The following NFIA variants were observed in gnomAD, a reference collection of about 807,000 sequenced individuals.
The protein encoded by NFIA is nuclear factor I A.
NFIA carries 8 observed loss-of-function variants against 62.8 expected under a neutral mutation model. The observed-to-expected ratio is 0.13, with a 90% CI of 0.07 to 0.23. NFIA has a LOEUF of 0.23. Among genes scored for constraint, NFIA ranks in the 10% least tolerant of loss-of-function variants. NFIA has a pLI of 1.00. For missense variants in NFIA, 410 were observed against 642.1 expected, an observed-to-expected ratio of 0.64 and a Z score of 3.91; for synonymous variants, 235 against 238.1, an observed-to-expected ratio of 0.99 and a Z score of 0.12.
intron 7 of NFIA, among the ~76,000 whole-genome samples, chr1:61,391,287 T>G (rs1432515312): frequency 1.3e-5 from 2 of 152,070 alleles, no homozygotes; most frequent in Non-Finnish European, 2.9e-5. Context: ...GGTCTCGAAC[T>G]CCTGGCTCAA....
intron 2 of NFIA, among the ~76,000 whole-genome samples, chr1:61,241,829 A>G (rs1448037772): frequency 6.6e-6 from 1 of 152,156 alleles, no homozygotes; most frequent in Non-Finnish European, 1.5e-5. Context: ...AGGGGAATAC[A>G]TGAGGTGAAA....
intron 3 of NFIA, among the ~76,000 whole-genome samples, chr1:61,331,499 G>A (rs1282657491): frequency 6.6e-6 from 1 of 152,058 alleles, no homozygotes; most frequent in African/African-American, 2.4e-5. Context: ...TATTCAGATT[G>A]GTCTATTTTC....
chr1:61,319,904 G>A (rs1290991493), intron 3 of NFIA, among the ~76,000 whole-genome samples: 1 of 151,478 alleles, frequency 6.6e-6, no homozygotes, highest in African/African-American at 2.4e-5. Flanking sequence ...CTCTGATCTG[G>A]GCAGAGATTG....
intron 10 of NFIA, among the ~76,000 whole-genome samples, chr1:61,430,936 G>C (rs1667074578): frequency 6.6e-6 from 1 of 151,982 alleles, no homozygotes; most frequent in Non-Finnish European, 1.5e-5. Flanking sequence ...ACAGCCTTTA[G>C]AACACCCATC....
chr1:61,175,977 C>T lies in NFIA; in HGVS notation c.559+87297C>T, dbSNP rs918098802. On this transcript the variant is annotated intron_variant, in intron 2 of 10. Transcript: ENST00000403491. ...GAGTGCCCCGGGCTATCTTTCTGCACGAGACCCCATCAAAGCCAAGTTGCA... is the reference window on the plus strand; with the variant it reads ...GAGTGCCCCGGGCTATCTTTCTGCATGAGACCCCATCAAAGCCAAGTTGCA... 2.6e-5 allele frequency among the ~76,000 whole-genome samples: 4 copies of T among 152,152 alleles called. No individual in the cohort carries two copies. The South Asian group carries it at 6.2e-4, about 24-fold the overall frequency.
chr1:61,301,418 A>G (rs1659490183), intron 3 of NFIA, among the ~76,000 whole-genome samples: 1 of 152,200 alleles, frequency 6.6e-6, no homozygotes, highest in African/African-American at 2.4e-5. Context: ...GGATGATTTT[A>G]AATATTTCTC....
intron 2 of NFIA, among the ~76,000 whole-genome samples, chr1:61,093,449 G>A (rs1469962722): frequency 6.6e-6 from 1 of 151,976 alleles, no homozygotes; most frequent in Non-Finnish European, 1.5e-5. Flanking sequence ...AGCTCAAGGT[G>A]GATTTTTTGG....
At chr1:61,236,307 T>C (rs1655010705) in intron 2 of NFIA, among the ~76,000 whole-genome samples, 1 of 152,216 alleles carries the variant, frequency 6.6e-6, no homozygotes, top group African/African-American at 2.4e-5. Flanking sequence ...AAGCAGGGGC[T>C]GTATCTTGAG....
At chr1:61,095,147 A>T (rs1646388442) in intron 2 of NFIA, among the ~76,000 whole-genome samples, 2 of 152,210 alleles carry the variant, frequency 1.3e-5, no homozygotes, top group East Asian at 3.8e-4. Context: ...ACTTCTTTTC[A>T]TGTCTTTCAA....
At chr1:61,142,056 A>C (rs945155615) in intron 2 of NFIA, among the ~76,000 whole-genome samples, 5 of 152,104 alleles carry the variant, frequency 3.3e-5, no homozygotes, top group South Asian at 4.2e-4. Flanking sequence ...AAGGCAATTC[A>C]GTTTTGGGCC....
At chr1:61,283,514 A>G (rs780378051) in intron 3 of NFIA, among the ~76,000 whole-genome samples, 33 of 140,762 alleles carry the variant, frequency 2.3e-4, no homozygotes, top group Non-Finnish European at 4.7e-4. Flanking sequence ...CCCAGAAGGC[A>G]GAGGTTGCAG....
At chr1:61,343,112 C>T (rs745458681) in intron 4 of NFIA, among the ~76,000 whole-genome samples, 2 of 152,172 alleles carry the variant, frequency 1.3e-5, no homozygotes, top group Non-Finnish European at 2.9e-5. Context: ...ATATGAAGCA[C>T]CCTGCACTGT....
chr1:61,406,639 G>T lies in NFIA; in HGVS notation c.1332G>T (p.Pro444=). The change falls in exon 9 of 11, where the codon CCG becomes CCT. Residue 444 remains proline (P), a synonymous_variant. Coordinates refer to ENST00000403491, the MANE Select transcript of NFIA (RefSeq NM_001134673.4). ...TGTTGCCACCGCCACCGCCACCACC[G>T]ATGGCCAGGCCTGTGCCTCTGCCGG... ...TPMLPPPPPP[P]MARPVPLPVP... is the part of the protein sequence containing the mutation. 7.2e-7 allele frequency: 1 copy of T among 1,398,026 alleles called. No individual in the cohort carries two copies. Among genetic ancestry groups the T allele is most frequent in the Non-Finnish European group, 9.5e-7 (1 of 1,051,600 alleles). The allele number at this position is 1,398,026 out of a possible 1,614,324, so 86.6% of individuals were successfully genotyped here.
intron 10 of NFIA, among the ~76,000 whole-genome samples, chr1:61,435,554 A>G (rs549593343): frequency 6.6e-6 from 1 of 152,110 alleles, no homozygotes; most frequent in African/African-American, 2.4e-5. Flanking sequence ...TAGTCATATC[A>G]TACCTTATTT....
Position 61,431,177 on chromosome 1 carries a change from A to G in NFIA, c.1512+4621A>G, listed in dbSNP as rs76045997. Reference sequence around the variant, plus strand: ...CCAATGGCCATTTCAATTGCATCCCATAACTTAATCTGATCCCTGAAAATG... The same window carrying G: ...CCAATGGCCATTTCAATTGCATCCCGTAACTTAATCTGATCCCTGAAAATG... On this transcript the variant is annotated intron_variant, in intron 10 of 10. Coordinates refer to ENST00000403491, the MANE Select transcript of NFIA (RefSeq NM_001134673.4). 4.2e-3 allele frequency among the ~76,000 whole-genome samples: 646 copies of G among 152,294 alleles called. 14 individuals are homozygous for G. Among genetic ancestry groups the G allele is most frequent in the East Asian group, 0.04 (207 of 5,182 alleles).
intron 2 of NFIA, among the ~76,000 whole-genome samples, chr1:61,105,457 G>A (rs984779481): frequency 6.6e-6 from 1 of 151,918 alleles, no homozygotes; most frequent in Non-Finnish European, 1.5e-5. Flanking sequence ...TAGCATCTTA[G>A]ATAAAATTGG....
chr1:61,266,760 T>C (rs1172974874), intron 2 of NFIA, among the ~76,000 whole-genome samples: 1 of 152,214 alleles, frequency 6.6e-6, no homozygotes, highest in Admixed American at 6.5e-5. Context: ...TGTGTTAGTA[T>C]CTGTATGTTC....
chr1:61,427,255 G>A (rs932555837), intron 10 of NFIA, among the ~76,000 whole-genome samples: 3 of 152,040 alleles, frequency 2.0e-5, no homozygotes, highest in African/African-American at 7.3e-5. Context: ...GAAAAGTTTT[G>A]GAATGGCTGC....
intron 10 of NFIA, among the ~76,000 whole-genome samples, chr1:61,433,217 C>T (rs1003179307): frequency 2.6e-5 from 4 of 152,168 alleles, no homozygotes; most frequent in African/African-American, 9.7e-5. Flanking sequence ...AGATCTGCCC[C>T]GGTCTCCTGT....
Sources: allele counts gnomAD v4.1 joint callset (sites outside exome capture counted in the v4.1 genomes callset), GRCh38; gene constraint gnomAD v4.1.1; transcripts MANE v1.5; gene names NCBI Gene and HGNC (gene_info 2026-07-23, HGNC 2026-07-21).